The following NFATC2 variants were observed in gnomAD, a reference collection of about 807,000 sequenced individuals.
The protein encoded by NFATC2 is nuclear factor of activated T-cells, cytoplasmic 2.
Under a neutral mutation model 87.3 loss-of-function variants are expected in NFATC2, and 22 were observed. The ratio of observed to expected loss-of-function variants is 0.25; its 90% CI spans 0.18 to 0.36. The LOEUF (loss-of-function observed/expected upper bound fraction) is 0.36. Ranked by LOEUF, NFATC2 falls within the 10% of genes least tolerant of loss-of-function variation. NFATC2 has a pLI of 1.00. For synonymous variants in NFATC2, 565 were observed against 542.2 expected, an observed-to-expected ratio of 1.04 and a Z score of -0.58; for missense variants, 1,149 against 1,259.1, an observed-to-expected ratio of 0.91 and a Z score of 1.32.
intron 9 of NFATC2, among the ~76,000 whole-genome samples, chr20:51,407,627 C>A: frequency 6.6e-6 from 1 of 152,184 alleles, no homozygotes. Context: ...TCATGCTGCA[C>A]TCCTGCCTGG....
At chr20:51,476,814 C>T (rs955194237) in intron 3 of NFATC2, among the ~76,000 whole-genome samples, 1 of 152,184 alleles carries the variant, frequency 6.6e-6, no homozygotes, top group African/African-American at 2.4e-5. Context: ...GACTTCTAAA[C>T]AAACATGCAA....
Position 51,523,002 on chromosome 20 carries a change from C to G in NFATC2, c.1160+79G>C, listed in dbSNP as rs2076473798. 1 of 1,578,290 alleles carries G rather than the reference C, an allele frequency of 6.3e-7. No individual in the cohort carries two copies. On this transcript the variant is annotated intron_variant, in intron 2 of 10. Coordinates refer to ENST00000371564, the MANE Select transcript of NFATC2 (RefSeq NM_012340.5). The surrounding 1 kb of genome is among the most constrained non-coding windows in gnomAD (Gnocchi z 6.9). ...TTTAAAGTCAGTCTTAAACCTGACT[C>G]TGAATCCCATGCTCATAACCAGAAA...
At chr20:51,525,888 G>C (rs1171874382) in intron 1 of NFATC2, among the ~76,000 whole-genome samples, 2 of 151,596 alleles carry the variant, frequency 1.3e-5, no homozygotes, top group Non-Finnish European at 2.9e-5. Context: ...GGAACCTAAA[G>C]TCACTAACGC....
rs143382551 is a variant in NFATC2 at position 51,467,520 on chromosome 20, G to A, written c.1708+6460C>T. On this transcript the variant is annotated intron_variant, in intron 5 of 10. Transcript: ENST00000371564. Reference sequence around the variant, plus strand: ...TGCAGTGAGCCGAGATCATGCCATTGCACTCCAGCCTAGGGGAAAAGAGTG... The same window carrying A: ...TGCAGTGAGCCGAGATCATGCCATTACACTCCAGCCTAGGGGAAAAGAGTG... Among the ~76,000 whole-genome samples, 5 of 151,856 alleles carry A rather than the reference G, an allele frequency of 3.3e-5. No individual in the cohort carries two copies. In the East Asian group the frequency reaches 9.7e-4, roughly 29 times the overall value.
At chr20:51,560,726 T>TACAC (rs35708151) in intron 1 of NFATC2, among the ~76,000 whole-genome samples, 4 of 150,536 alleles carry the variant, frequency 2.7e-5, no homozygotes, top group Non-Finnish European at 5.9e-5. Flanking sequence ...CTCCCACATG[T>TACAC]ACACACACAC....
At chr20:51,401,645 G>T (rs1380211842) in intron 9 of NFATC2, among the ~76,000 whole-genome samples, 3 of 152,102 alleles carry the variant, frequency 2.0e-5, no homozygotes, top group Non-Finnish European at 4.4e-5. Context: ...AGACACAGGG[G>T]TACCTCAAAA....
At chr20:51,391,766 T>G (rs1986378351) in intron 10 of NFATC2, among the ~76,000 whole-genome samples, 1 of 152,196 alleles carries the variant, frequency 6.6e-6, no homozygotes, top group Non-Finnish European at 1.5e-5. Flanking sequence ...TCCTCCCACC[T>G]GAGCCTCCCA....
intron 5 of NFATC2, among the ~76,000 whole-genome samples, chr20:51,463,432 T>C (rs1987354161): frequency 6.6e-6 from 1 of 152,180 alleles, no homozygotes; most frequent in African/African-American, 2.4e-5. Flanking sequence ...GCACGGCCCC[T>C]CCTGTGAGAC....
At chr20:51,519,751 TAAAAA>T (rs66928164) in intron 2 of NFATC2, among the ~76,000 whole-genome samples, 3 of 122,706 alleles carry the variant, frequency 2.4e-5, no homozygotes, top group Non-Finnish European at 5.1e-5. Context: ...CCATCTCTAC[TAAAAA>T]AAAAAAAAAA....
intron 5 of NFATC2, among the ~76,000 whole-genome samples, chr20:51,458,536 C>T (rs1482309410): frequency 2.6e-5 from 4 of 151,596 alleles, no homozygotes; most frequent in Admixed American, 6.6e-5. Context: ...CGGTGGCTCA[C>T]GCCTGTAATC....
At chr20:51,479,181 T>G (rs1989016736) in intron 3 of NFATC2, among the ~76,000 whole-genome samples, 1 of 152,228 alleles carries the variant, frequency 6.6e-6, no homozygotes, top group African/African-American at 2.4e-5. Flanking sequence ...ATTTACTTCA[T>G]TAACATCTGA....
At chr20:51,433,737 A>G (rs2146345494) in intron 8 of NFATC2, among the ~76,000 whole-genome samples, 1 of 148,604 alleles carries the variant, frequency 6.7e-6, no homozygotes, top group African/African-American at 2.5e-5. Context: ...GTGTGTGCGC[A>G]TGCGTGTGTG....
chr20:51,503,766 G>A (rs1426811449), intron 3 of NFATC2, among the ~76,000 whole-genome samples: 1 of 152,228 alleles, frequency 6.6e-6, no homozygotes, highest in East Asian at 1.9e-4. Flanking sequence ...GGCTGGGGCA[G>A]GGTAGATACC....
At chr20:51,454,053 T>C (rs764736574) in intron 6 of NFATC2, among the ~76,000 whole-genome samples, 2 of 152,222 alleles carry the variant, frequency 1.3e-5, no homozygotes, top group Non-Finnish European at 2.9e-5. Flanking sequence ...GGCACTATTA[T>C]AATTACGTGA....
intron 6 of NFATC2, among the ~76,000 whole-genome samples, chr20:51,445,625 A>G (rs1049837261): frequency 1.3e-5 from 2 of 152,152 alleles, no homozygotes; most frequent in African/African-American, 2.4e-5. Context: ...CTAACTCCAC[A>G]CGCTTTTCTC....
At chr20:51,540,571 G>C (rs1435558125) in intron 1 of NFATC2, among the ~76,000 whole-genome samples, 1 of 151,482 alleles carries the variant, frequency 6.6e-6, no homozygotes, top group Non-Finnish European at 1.5e-5. Context: ...GGGGAAACAG[G>C]GTATTGGGTA....
chr20:51,434,629 A>G (rs1331896511), intron 8 of NFATC2, among the ~76,000 whole-genome samples: 1 of 152,232 alleles, frequency 6.6e-6, no homozygotes, highest in Non-Finnish European at 1.5e-5. Flanking sequence ...TGTGTCCACA[A>G]GCCAAGAACA....
chr20:51,454,544 T>C lies in NFATC2; in HGVS notation c.1849+4A>G, dbSNP rs758447434. Reference sequence around the variant, plus strand: ...ACAGAGAAAGAGCTCAAAAATCCACTGACCTGTGGTCTTCTCAGTAAACAC... The same window carrying C: ...ACAGAGAAAGAGCTCAAAAATCCACCGACCTGTGGTCTTCTCAGTAAACAC... On this transcript the variant is annotated splice_donor_region_variant and intron_variant, in intron 6 of 10. Transcript: ENST00000371564. 1 of 1,613,692 alleles carries C rather than the reference T, an allele frequency of 6.2e-7. No homozygotes were observed. Among genetic ancestry groups the C allele is most frequent in the Non-Finnish European group, 8.5e-7 (1 of 1,179,854 alleles).
At chr20:51,541,519 G>C (rs975869524) in intron 1 of NFATC2, among the ~76,000 whole-genome samples, 1 of 152,156 alleles carries the variant, frequency 6.6e-6, no homozygotes, top group Non-Finnish European at 1.5e-5. Flanking sequence ...GGCCCAGCCC[G>C]GGGAAGTCCC....
Sources: gnomAD v4.1 joint callset for allele counts (sites outside exome capture counted in the v4.1 genomes callset) on GRCh38, gnomAD v4.1.1 for gene constraint, Gnocchi (gnomAD v3.1) non-coding constraint, MANE v1.5 for transcripts, NCBI Gene and HGNC (gene_info 2026-07-23, HGNC 2026-07-21) for gene names.